ADAMTS17: variants seen among roughly 807,000 people sequenced by gnomAD.
The protein encoded by ADAMTS17 is ADAM metallopeptidase with thrombospondin type 1 motif 17, also known as A disintegrin and metalloproteinase with thrombospondin motifs 17.
A neutral mutation model predicts 141.5 loss-of-function variants in ADAMTS17; 113 were observed. The ratio of observed to expected loss-of-function variants is 0.80; its 90% CI spans 0.69 to 0.93. The LOEUF (loss-of-function observed/expected upper bound fraction) is 0.93, where lower values mean the gene tolerates loss of function less well. ADAMTS17 is among the 40% of genes least tolerant of loss of function. ADAMTS17 has a pLI of 0.00. For synonymous variants in ADAMTS17, 768 were observed against 630.6 expected (o/e 1.22, Z -3.27); for missense variants, 1,659 against 1,517.9 (o/e 1.09, Z -1.54).
chr15:100,043,233 G>A (rs370552166), intron 18 of ADAMTS17, among the ~76,000 whole-genome samples: 1 of 152,134 alleles, frequency 6.6e-6, no homozygotes, highest in East Asian at 1.9e-4. Flanking sequence ...AGTCTCTAAG[G>A]CAGATCTTAG....
intron 13 of ADAMTS17, among the ~76,000 whole-genome samples, chr15:100,113,108 A>C (rs528157880): frequency 2.9e-4 from 44 of 152,098 alleles, no homozygotes; most frequent in Non-Finnish European, 5.1e-4. Context: ...CCCCCTCATC[A>C]GTCCCCGGCG....
intron 7 of ADAMTS17, among the ~76,000 whole-genome samples, chr15:100,232,744 C>A (rs575201898): frequency 2.0e-5 from 3 of 152,172 alleles, no homozygotes; most frequent in African/African-American, 7.2e-5. Flanking sequence ...TTGGCCCATG[C>A]GGGACACCCT....
At chr15:99,982,508 C>T (rs938381252) in intron 20 of ADAMTS17, among the ~76,000 whole-genome samples, 2 of 152,156 alleles carry the variant, frequency 1.3e-5, no homozygotes, top group Non-Finnish European at 2.9e-5. Context: ...GGTGGGCGCA[C>T]GGGGTGAATT....
intron 18 of ADAMTS17, among the ~76,000 whole-genome samples, chr15:100,013,700 A>C (rs1415044293): frequency 3.9e-5 from 6 of 152,194 alleles, no homozygotes; most frequent in Non-Finnish European, 1.5e-5. Context: ...TGACTTGTGT[A>C]TATTAAATCA....
At position 100,341,106 on chromosome 15, in the gene ADAMTS17, G is replaced by A. The variant is rs1413065581; in HGVS notation, c.383C>T (p.Ser128Leu). 1 of 1,506,884 alleles carries A rather than the reference G, an allele frequency of 6.6e-7. No individual in the cohort carries two copies. Among genetic ancestry groups the A allele is most frequent in the Non-Finnish European group, 8.8e-7 (1 of 1,134,438 alleles). The allele number at this position is 1,506,884 out of a possible 1,614,324, so 93.3% of individuals were successfully genotyped here. The change falls in exon 2 of 22, where the codon TCG becomes TTG. Residue 128 changes from serine (S) to leucine (L), a missense_variant. Transcript: ENST00000268070. ...GCCGGGGTGGCCGAGCACACGGCCC[G>A]AGTAGAAGCACAGCTCGGCGGGGCG... ...RGRPAELCFY[S>L]GRVLGHPGSL...
chr15:99,978,239 G>T (rs2060408273), intron 20 of ADAMTS17, among the ~76,000 whole-genome samples: 1 of 152,198 alleles, frequency 6.6e-6, no homozygotes, highest in Non-Finnish European at 1.5e-5. Flanking sequence ...CTCCCAGGGG[G>T]GCTTCTGCAA....
At chr15:100,022,357 A>C (rs1487750488) in intron 18 of ADAMTS17, among the ~76,000 whole-genome samples, 1 of 152,152 alleles carries the variant, frequency 6.6e-6, no homozygotes, top group Non-Finnish European at 1.5e-5. Context: ...AGTCCACCCT[A>C]AACCTCGGCT....
intron 3 of ADAMTS17, among the ~76,000 whole-genome samples, chr15:100,282,418 C>A (rs759742181): frequency 3.3e-5 from 5 of 152,186 alleles, no homozygotes; most frequent in Admixed American, 1.3e-4. Flanking sequence ...ACAGACAGTA[C>A]CGAGCCCTAC....
At chr15:100,021,302 A>G (rs2061402995) in intron 18 of ADAMTS17, among the ~76,000 whole-genome samples, 2 of 152,130 alleles carry the variant, frequency 1.3e-5, no homozygotes, top group Admixed American at 6.5e-5. Flanking sequence ...AAGACCAGAC[A>G]TGCAGGGTTA....
chr15:100,062,896 A>C (rs2033228807), intron 15 of ADAMTS17, among the ~76,000 whole-genome samples: 1 of 152,180 alleles, frequency 6.6e-6, no homozygotes, highest in South Asian at 2.1e-4. Flanking sequence ...GCATGTTCCA[A>C]GCCAGGAAGG....
rs538438692 is a variant in ADAMTS17 at position 100,130,589 on chromosome 15, G to A, written c.1721+1418C>T. 2.0e-5 allele frequency among the ~76,000 whole-genome samples: 3 copies of A among 152,258 alleles called. No individual in the cohort carries two copies. In the East Asian group the frequency reaches 5.8e-4, roughly 29 times the overall value. ...GACTGCTGCTGGAGTCACCTGGGAA[G>A]ATAAAATATCCAATTCCTGGGCCCC... On this transcript the variant is annotated intron_variant, in intron 12 of 21. Transcript: ENST00000268070.
At chr15:100,211,042 G>T (rs1460313654) in intron 7 of ADAMTS17, among the ~76,000 whole-genome samples, 1 of 151,946 alleles carries the variant, frequency 6.6e-6, no homozygotes. Context: ...GGAGCTTGCA[G>T]TGAGCCGAGA....
intron 18 of ADAMTS17, among the ~76,000 whole-genome samples, chr15:100,012,186 T>A (rs1163560954): frequency 6.6e-6 from 1 of 152,250 alleles, no homozygotes; most frequent in East Asian, 1.9e-4. Context: ...GCCTTTTGTA[T>A]ATCTTCTTTT....
chr15:100,315,611 G>A (rs1421431624), intron 3 of ADAMTS17, among the ~76,000 whole-genome samples: 1 of 152,116 alleles, frequency 6.6e-6, no homozygotes, highest in Non-Finnish European at 1.5e-5. Flanking sequence ...TGAGGTGGGT[G>A]GACCAATCCA....
At chr15:100,061,001 G>T (rs1373201436) in intron 15 of ADAMTS17, among the ~76,000 whole-genome samples, 1 of 152,144 alleles carries the variant, frequency 6.6e-6, no homozygotes, top group African/African-American at 2.4e-5. Flanking sequence ...TGGAGTCCTG[G>T]GATTATGCCT....
chr15:100,285,761 C>T (rs1156580927), intron 3 of ADAMTS17, among the ~76,000 whole-genome samples: 1 of 152,132 alleles, frequency 6.6e-6, no homozygotes, highest in African/African-American at 2.4e-5. Context: ...GGACTCCAGC[C>T]TGTGTGGAGC....
In ADAMTS17 at chr15:100,053,928, T is replaced by C. The variant is rs1428793937; in HGVS notation, c.2264A>G (p.Lys755Arg). 1.5e-5 allele frequency: 24 copies of C among 1,614,178 alleles called. No homozygotes were observed. Among genetic ancestry groups the C allele is most frequent in the Non-Finnish European group, 1.9e-5 (23 of 1,180,018 alleles). Residue 755 changes from lysine (K) to arginine (R), a missense_variant, in exon 16 of 22, where the codon AAG becomes AGG. By Grantham distance (26) the Lys-to-Arg change is conservative. Coordinates refer to ENST00000268070, the MANE Select transcript of ADAMTS17 (RefSeq NM_139057.4). The stretch of plus-strand genomic sequence containing the variant: ...GTGCAGCGGTAGTTTGGTTGGTCCC[T>C]TGGCAGAGATCTTCTCCCACAGCCC... ...RRGLWEKISA[K>R]GPTKLPLHLM...
chr15:100,126,797 G>A (rs572520999), intron 12 of ADAMTS17, among the ~76,000 whole-genome samples: 5 of 152,322 alleles, frequency 3.3e-5, no homozygotes, highest in African/African-American at 1.2e-4. Flanking sequence ...CTGTGGGCAC[G>A]GAAGGCAGCA....
intron 3 of ADAMTS17, among the ~76,000 whole-genome samples, chr15:100,282,622 C>A (rs1366643998): frequency 6.6e-6 from 1 of 152,096 alleles, no homozygotes; most frequent in Non-Finnish European, 1.5e-5. Context: ...CCTGGTTGAC[C>A]GTGAATAAAT....
Sources: allele counts gnomAD v4.1 joint callset (sites outside exome capture counted in the v4.1 genomes callset), GRCh38; gene constraint gnomAD v4.1.1; transcripts MANE v1.5; gene names NCBI Gene and HGNC (gene_info 2026-07-23, HGNC 2026-07-21).